The following SGIP1 variants were observed in gnomAD, a reference collection of about 807,000 sequenced individuals.
SGIP1 encodes the protein SH3-containing GRB2-like protein 3-interacting protein 1.
In SGIP1, 38 loss-of-function variants were observed where a neutral mutation model predicts 107.5. The observed-to-expected ratio is 0.35, with a 90% CI of 0.27 to 0.46. SGIP1 has a LOEUF of 0.46. Ranked by LOEUF, SGIP1 falls within the 20% of genes least tolerant of loss-of-function variation. The probability of loss-of-function intolerance (pLI) is 1.00; values close to 1 mark genes in which losing one functional copy is unlikely to be tolerated. For synonymous variants in SGIP1, 365 were observed against 366.1 expected, an observed-to-expected ratio of 1.00 and a Z score of 0.03; for missense variants, 929 against 1,019.5, an observed-to-expected ratio of 0.91 and a Z score of 1.21.
At chr1:66,717,136 G>A (rs1006612309) in intron 18 of SGIP1, among the ~76,000 whole-genome samples, 4 of 152,114 alleles carry the variant, frequency 2.6e-5, no homozygotes, top group African/African-American at 9.7e-5. Context: ...TCAAATCACT[G>A]TATTTGAATG....
chr1:66,571,544 CT>C (rs1284150470), intron 1 of SGIP1, among the ~76,000 whole-genome samples: 1 of 151,954 alleles, frequency 6.6e-6, no homozygotes, highest in Non-Finnish European at 1.5e-5. Flanking sequence ...AATCATTCAT[CT>C]TGATAATTGA....
chr1:66,656,810 CCCAA>C (rs1449327398), intron 7 of SGIP1, among the ~76,000 whole-genome samples: 1 of 152,002 alleles, frequency 6.6e-6, no homozygotes, highest in Non-Finnish European at 1.5e-5. Flanking sequence ...CTTGTGAATA[CCCAA>C]CCAGTCGTAA....
At chr1:66,593,588 A>G (rs1036999471) in intron 1 of SGIP1, among the ~76,000 whole-genome samples, 2 of 152,212 alleles carry the variant, frequency 1.3e-5, no homozygotes, top group Non-Finnish European at 2.9e-5. Flanking sequence ...ACAAGGCACA[A>G]TGAATTTCCC....
chr1:66,719,228 T>C (rs2093402453), intron 18 of SGIP1, 66 bp from the exon 19 acceptor site: 1 of 1,086,880 alleles, frequency 9.2e-7, no homozygotes, highest in Non-Finnish European at 1.3e-6. Flanking sequence ...TAATGGGCTT[T>C]TAATTTCACA....
intron 1 of SGIP1, among the ~76,000 whole-genome samples, chr1:66,545,954 C>T (rs1006979359): frequency 6.6e-6 from 1 of 152,054 alleles, no homozygotes; most frequent in Non-Finnish European, 1.5e-5. Flanking sequence ...TTAGGATTCC[C>T]AATGTGTGCA....
intron 1 of SGIP1, among the ~76,000 whole-genome samples, chr1:66,585,585 T>TGTGC (rs1028376927): frequency 9.2e-5 from 14 of 151,990 alleles, no homozygotes; most frequent in African/African-American, 3.4e-4. Flanking sequence ...TGTGTGTGTG[T>TGTGC]GTGTGTGTTT....
intron 1 of SGIP1, among the ~76,000 whole-genome samples, chr1:66,578,124 G>A (rs1177573668): frequency 2.0e-5 from 3 of 151,902 alleles, no homozygotes; most frequent in East Asian, 3.8e-4. Flanking sequence ...CTGGTACTGG[G>A]CATTATTGGG....
intron 8 of SGIP1, among the ~76,000 whole-genome samples, chr1:66,665,161 C>T (rs1297390595): frequency 1.3e-5 from 2 of 152,138 alleles, no homozygotes; most frequent in East Asian, 3.8e-4. Context: ...TGTGATGTTC[C>T]CCACCCTGTG....
At chr1:66,562,377 G>C (rs1439840863) in intron 1 of SGIP1, among the ~76,000 whole-genome samples, 1 of 152,000 alleles carries the variant, frequency 6.6e-6, no homozygotes. Context: ...TCTGCAAAGG[G>C]GGGAAATTCT....
chr1:66,586,521 T>A (rs1314141338), intron 1 of SGIP1, among the ~76,000 whole-genome samples: 1 of 152,168 alleles, frequency 6.6e-6, no homozygotes, highest in Non-Finnish European at 1.5e-5. Context: ...TACATCATAT[T>A]TACATAACTT....
chr1:66,665,885 G>A (rs1313286719), intron 8 of SGIP1: 2 of 152,174 alleles, frequency 1.3e-5, no homozygotes, highest in Non-Finnish European at 2.9e-5. Flanking sequence ...TTTGTCAGAT[G>A]AGTAGACTAC....
intron 18 of SGIP1, chr1:66,704,199 T>C (rs982162998): frequency 2.6e-5 from 4 of 152,100 alleles, no homozygotes; most frequent in Non-Finnish European, 5.9e-5. Context: ...TGTGGCATTC[T>C]TGTCTTCTTC....
chr1:66,577,801 T>TGTGTGTGTGTG (rs1557948164), intron 1 of SGIP1, among the ~76,000 whole-genome samples: 1 of 141,368 alleles, frequency 7.1e-6, no homozygotes, highest in African/African-American at 2.7e-5. Flanking sequence ...TGTGTGTGTG[T>TGTGTGTGTGTG]TGCATACCCA....
At chr1:66,543,119 C>A (rs1008981928) in intron 1 of SGIP1, among the ~76,000 whole-genome samples, 2 of 152,178 alleles carry the variant, frequency 1.3e-5, no homozygotes, top group South Asian at 2.1e-4. Flanking sequence ...AGGATTTTAT[C>A]CCAGTGGGCT....
intron 1 of SGIP1, among the ~76,000 whole-genome samples, chr1:66,578,556 T>C (rs919813009): frequency 6.6e-6 from 1 of 151,994 alleles, no homozygotes; most frequent in African/African-American, 2.4e-5. Context: ...CTTAAGGGGG[T>C]ATTGAGGCAA....
chr1:66,630,531 G>A (rs2074042985), intron 2 of SGIP1, among the ~76,000 whole-genome samples: 1 of 151,890 alleles, frequency 6.6e-6, no homozygotes, highest in Non-Finnish European at 1.5e-5. Flanking sequence ...TATTGGCCAG[G>A]CACCGTGGCT....
chr1:66,534,613 T>A (rs2053139955), intron 1 of SGIP1, among the ~76,000 whole-genome samples: 1 of 152,068 alleles, frequency 6.6e-6, no homozygotes, highest in Non-Finnish European at 1.5e-5. Flanking sequence ...AAGCCTAAAG[T>A]GTTTGCAGGG....
intron 7 of SGIP1, among the ~76,000 whole-genome samples, chr1:66,656,670 G>A (rs2079857771): frequency 6.6e-6 from 1 of 152,142 alleles, no homozygotes; most frequent in Non-Finnish European, 1.5e-5. Flanking sequence ...CCTGCTCCCA[G>A]ATGTAAACCC....
chr1:66,547,897 TTGTGACCCA>T (rs2056709181), intron 1 of SGIP1, among the ~76,000 whole-genome samples: 1 of 152,120 alleles, frequency 6.6e-6, no homozygotes, highest in South Asian at 2.1e-4. Context: ...CCCCTATACC[TTGTGACCCA>T]TGAAGCTCTG....
Sources: gnomAD v4.1 joint callset for allele counts (sites outside exome capture counted in the v4.1 genomes callset) on GRCh38, gnomAD v4.1.1 for gene constraint, MANE v1.5 for transcripts, NCBI Gene and HGNC (gene_info 2026-07-23, HGNC 2026-07-21) for gene names.